The following PALM2AKAP2 variants were observed in gnomAD, a reference collection of about 807,000 sequenced individuals.
PALM2AKAP2 encodes the protein PALM2 and AKAP2 fusion.
PALM2AKAP2 carries 37 observed loss-of-function variants against 71.5 expected under a neutral mutation model. The ratio of observed to expected loss-of-function variants is 0.52; its 90% CI spans 0.40 to 0.68. The LOEUF is 0.68. Ranked by LOEUF, PALM2AKAP2 falls within the 30% of genes least tolerant of loss-of-function variation. The probability of loss-of-function intolerance (pLI) is 0.00; values close to 1 mark genes in which losing one functional copy is unlikely to be tolerated. For missense variants in PALM2AKAP2, 1,224 were observed against 1,191.8 expected, an observed-to-expected ratio of 1.03 and a Z score of -0.40; for synonymous variants, 468 against 478.8, an observed-to-expected ratio of 0.98 and a Z score of 0.29.
At chr9:109,749,791 G>A (rs1325901057) in intron 1 of PALM2AKAP2, among the ~76,000 whole-genome samples, 1 of 152,200 alleles carries the variant, frequency 6.6e-6, no homozygotes, top group Non-Finnish European at 1.5e-5. Flanking sequence ...AAGGATGTGG[G>A]AATTCAGAGG....
At chr9:109,755,218 C>T (rs1222661214) in intron 1 of PALM2AKAP2, among the ~76,000 whole-genome samples, 1 of 152,084 alleles carries the variant, frequency 6.6e-6, no homozygotes, top group Non-Finnish European at 1.5e-5. Context: ...TCCCTGCTCA[C>T]ACTCCTCCAA....
chr9:109,899,491 C>T (rs1356642742), intron 3 of PALM2AKAP2, among the ~76,000 whole-genome samples: 4 of 152,204 alleles, frequency 2.6e-5, no homozygotes, highest in Admixed American at 1.3e-4. Context: ...GACCTAACCT[C>T]TGCCACCCAG....
intron 2 of PALM2AKAP2, among the ~76,000 whole-genome samples, chr9:109,879,712 T>A (rs1829804119): frequency 6.6e-6 from 1 of 151,822 alleles, no homozygotes; most frequent in Non-Finnish European, 1.5e-5. Flanking sequence ...TTTTTTTTTT[T>A]TTTTGACAGG....
chr9:109,831,440 C>G (rs779555060), intron 1 of PALM2AKAP2, among the ~76,000 whole-genome samples: 1 of 141,588 alleles, frequency 7.1e-6, no homozygotes, highest in African/African-American at 2.5e-5. Context: ...CTTGACACCC[C>G]TAGGCTACCA....
At chr9:109,701,934 A>G (rs964551461) in intron 1 of PALM2AKAP2, among the ~76,000 whole-genome samples, 217 of 152,354 alleles carry the variant, frequency 1.4e-3, no homozygotes, top group African/African-American at 5.0e-3. Context: ...GGCAAAGGAT[A>G]TGAACAGACA....
intron 1 of PALM2AKAP2, among the ~76,000 whole-genome samples, chr9:109,840,420 G>A (rs1166660137): frequency 1.3e-5 from 2 of 152,172 alleles, no homozygotes; most frequent in Non-Finnish European, 2.9e-5. Flanking sequence ...AACCCTAGAA[G>A]AAAACCTAGG....
chr9:109,832,784 T>C (rs959556445), intron 1 of PALM2AKAP2, among the ~76,000 whole-genome samples: 10 of 152,140 alleles, frequency 6.6e-5, no homozygotes, highest in African/African-American at 9.7e-5. Context: ...CACAATTTCA[T>C]TGGGGTTCTC....
chr9:110,032,212 G>A (rs1194876789), intron 7 of PALM2AKAP2, among the ~76,000 whole-genome samples: 1 of 151,974 alleles, frequency 6.6e-6, no homozygotes, highest in Admixed American at 6.6e-5. Flanking sequence ...ATGTCTCCAT[G>A]TCTGTGTTAT....
exon 2 of PALM2AKAP2, chr9:110,137,304 A>G: frequency 1.2e-6 from 2 of 1,614,228 alleles, no homozygotes; most frequent in Non-Finnish European, 8.5e-7. Flanking sequence ...AAGCCTTTCT[A>G]CAGGCCTCTG....
chr9:110,048,687 C>T (rs1371263238), upstream of PALM2AKAP2: 2 of 1,534,858 alleles, frequency 1.3e-6, no homozygotes, highest in African/African-American at 1.4e-5. Context: ...CCGGAGGCTA[C>T]CACTCCCTGC....
At position 110,101,673 on chromosome 9, in the gene PALM2AKAP2, C is replaced by T. The variant is rs565069347; in HGVS notation, c.157-34454C>T. Among the ~76,000 whole-genome samples, 11 of 152,298 alleles carry T rather than the reference C, an allele frequency of 7.2e-5. 1 individual carries two copies. In the South Asian group the frequency reaches 2.3e-3, roughly 32 times the overall value. The stretch of plus-strand genomic sequence containing the variant: ...CATTGGGCAGCTGTTGCTGTCATTT[C>T]CCACGGCCTCTCTGGAGGGGAAACA... On this transcript the variant is annotated intron_variant, in intron 1 of 3. Transcript: ENST00000374525.
intron 1 of PALM2AKAP2, among the ~76,000 whole-genome samples, chr9:109,717,619 A>G (rs151333315): frequency 6.6e-6 from 1 of 152,354 alleles, no homozygotes; most frequent in East Asian, 1.9e-4. Flanking sequence ...TCTTTTGAAA[A>G]GCAGAAACAA....
chr9:109,781,030 G>A (rs1829438266), intron 1 of PALM2AKAP2, among the ~76,000 whole-genome samples: 1 of 152,170 alleles, frequency 6.6e-6, no homozygotes, highest in Non-Finnish European at 1.5e-5. Flanking sequence ...TCCCTTCTCT[G>A]TTTGATATTG....
intron 1 of PALM2AKAP2, among the ~76,000 whole-genome samples, chr9:110,131,465 GA>G (rs1835733043): frequency 6.6e-6 from 1 of 152,222 alleles, no homozygotes; most frequent in Non-Finnish European, 1.5e-5. Context: ...CGCCTAATTT[GA>G]AGCATGGAGA....
At chr9:110,116,371 T>C (rs936444889) in intron 1 of PALM2AKAP2, among the ~76,000 whole-genome samples, 1 of 151,976 alleles carries the variant, frequency 6.6e-6, no homozygotes, top group South Asian at 2.1e-4. Context: ...TGCGTGTGTG[T>C]GTGCGTGTGT....
chr9:110,016,115 G>A (rs967012920), intron 7 of PALM2AKAP2, 76 bp downstream of exon 7: 2 of 1,423,922 alleles, frequency 1.4e-6, no homozygotes, highest in Middle Eastern at 1.8e-4. Context: ...TTTTTCTGGG[G>A]GCAAAATGAA....
intron 6 of PALM2AKAP2, among the ~76,000 whole-genome samples, chr9:109,935,990 A>G (rs1464582882): frequency 6.6e-6 from 1 of 152,204 alleles, no homozygotes; most frequent in Non-Finnish European, 1.5e-5. Context: ...ATCCATCAAC[A>G]TCACACCCTT....
chr9:109,953,059 G>T (rs12686321), intron 6 of PALM2AKAP2, among the ~76,000 whole-genome samples: 16,542 of 152,194 alleles, frequency 0.11, 1,707 homozygotes, highest in East Asian at 0.29. Context: ...AAGGGAAGCT[G>T]CTTTGGCCTC....
chr9:109,738,236 T>A (rs1828666367), intron 1 of PALM2AKAP2, among the ~76,000 whole-genome samples: 1 of 152,214 alleles, frequency 6.6e-6, no homozygotes, highest in East Asian at 1.9e-4. Flanking sequence ...AAGTTTCAAG[T>A]GAGATCTTCA....
Sources: gnomAD v4.1 joint callset for allele counts (sites outside exome capture counted in the v4.1 genomes callset) on GRCh38, gnomAD v4.1.1 for gene constraint, MANE v1.5 for transcripts, NCBI Gene and HGNC (gene_info 2026-07-23, HGNC 2026-07-21) for gene names.